Variants in TPRG1 observed in about 807,000 individuals in gnomAD.
TPRG1 encodes tumor protein p63-regulated gene 1 protein.
TPRG1 carries 29 observed loss-of-function variants against 29.3 expected under a neutral mutation model. The observed-to-expected ratio is 0.99, with a 90% confidence interval of 0.74 to 1.35. The LOEUF is 1.35. TPRG1 is among the 40% of genes most tolerant of loss of function. TPRG1 has a pLI of 0.00. For synonymous variants in TPRG1, 130 were observed against 116.8 expected (o/e 1.11, Z -0.73); for missense variants, 327 against 335.0 (o/e 0.98, Z 0.19).
At position 189,117,371 on chromosome 3, in the gene TPRG1, T is replaced by A. The variant is rs73053472; in HGVS notation, c.-743-9686T>A. ...ACCACCTGTTACTCAGTAGTTAAAA[T>A]TCTCATTGTAGGGAGTTTATTCCCT... is the stretch of plus-strand genomic sequence containing the variant. On this transcript the variant is annotated intron_variant, in intron 1 of 6. Coordinates refer to the TPRG1 transcript ENST00000412373. Among the ~76,000 whole-genome samples, 1,086 of 152,308 alleles carry A rather than the reference T, an allele frequency of 7.1e-3. 8 individuals carry two copies. The highest frequency in any genetic ancestry group is 0.025 in the African/African-American group (1,040 of 41,564).
intron 4 of TPRG1, among the ~76,000 whole-genome samples, chr3:189,255,923 AGTG>A (rs573243984): frequency 2.4e-3 from 363 of 151,966 alleles, no homozygotes; most frequent in Non-Finnish European, 4.1e-3. Context: ...TAGTCTGGCT[AGTG>A]GTCTATCTAT....
intron 4 of TPRG1, among the ~76,000 whole-genome samples, chr3:189,054,824 GATA>G (rs1266923917): frequency 6.6e-6 from 1 of 152,006 alleles, no homozygotes; most frequent in Non-Finnish European, 1.5e-5. Context: ...TAACAGATAG[GATA>G]ATAATGACAA....
In TPRG1 at chr3:189,239,048, A is replaced by T. The variant is rs1199565459; in HGVS notation, c.479+139A>T. The T allele has an allele frequency of 7.5e-6, 5 of 668,688 alleles. No individual in the cohort carries two copies. In the East Asian group the frequency reaches 1.4e-4, roughly 19 times the overall value. The allele number at this position is 668,688 out of a possible 1,614,324, so 41.4% of individuals were successfully genotyped here. A position where few individuals can be genotyped will look rare whatever the true frequency, so the allele number is the denominator to read the frequency against. ...TGAAATCATGAAAGTTGAAATCATT[A>T]AACTAGAGTTCCTACTCTATGTCAG... is the stretch of plus-strand genomic sequence containing the variant. On this transcript the variant is annotated intron_variant, in intron 4 of 5. Coordinates refer to ENST00000345063, the MANE Select transcript of TPRG1 (RefSeq NM_198485.4).
At chr3:189,046,495 G>A (rs1326988415) in intron 4 of TPRG1, among the ~76,000 whole-genome samples, 1 of 152,156 alleles carries the variant, frequency 6.6e-6, no homozygotes, top group African/African-American at 2.4e-5. Flanking sequence ...GAATAATTAT[G>A]CAGAGAATTC....
At chr3:189,129,372 C>T (rs915969197) in intron 2 of TPRG1, among the ~76,000 whole-genome samples, 11 of 152,182 alleles carry the variant, frequency 7.2e-5, no homozygotes, top group African/African-American at 2.7e-4. Context: ...ATGCGTCCTT[C>T]TCAGGCTGTG....
chr3:189,172,308 G>A (rs1412047768), intron 1 of TPRG1, among the ~76,000 whole-genome samples, 177 bp downstream of exon 1: 1 of 151,738 alleles, frequency 6.6e-6, no homozygotes, highest in Non-Finnish European at 1.5e-5. Flanking sequence ...TACTGTCCAG[G>A]GTTGATGAGG....
chr3:189,008,792 C>T (rs961962126), intron 3 of TPRG1, among the ~76,000 whole-genome samples: 4 of 152,084 alleles, frequency 2.6e-5, no homozygotes, highest in African/African-American at 7.2e-5. Flanking sequence ...AAACAGCCAT[C>T]GGGCTAGTCC....
chr3:189,151,227 C>CTTCGGGT (rs1725897254), intron 5 of TPRG1: 3 of 151,218 alleles, frequency 2.0e-5, no homozygotes, highest in Admixed American at 1.3e-4. Context: ...ACCAGTCGTC[C>CTTCGGGT]TTCAATAAGC....
chr3:188,998,007 T>TTCCC (rs1711886231), intron 1 of TPRG1, among the ~76,000 whole-genome samples: 1 of 152,102 alleles, frequency 6.6e-6, no homozygotes, highest in Non-Finnish European at 1.5e-5. Flanking sequence ...CATTCATTCA[T>TTCCC]TCCCTCCCTC....
intron 4 of TPRG1, among the ~76,000 whole-genome samples, chr3:189,309,232 A>C (rs1190142246): frequency 2.6e-5 from 4 of 152,114 alleles, no homozygotes; most frequent in African/African-American, 9.7e-5. Flanking sequence ...GGTATTAACC[A>C]GTTGGGGAGC....
At chr3:189,072,550 G>A (rs2152156374) in intron 4 of TPRG1, among the ~76,000 whole-genome samples, 1 of 152,174 alleles carries the variant, frequency 6.6e-6, no homozygotes, top group East Asian at 1.9e-4. Context: ...TACATCCAGA[G>A]GCACAATATG....
rs566183629 is a variant in TPRG1, at chr3:189,088,313, T to C, written c.-462-38744T>C. 5.3e-5 allele frequency among the ~76,000 whole-genome samples: 8 copies of C among 152,220 alleles called. 1 individual carries two copies. Among genetic ancestry groups the C allele is most frequent in the Non-Finnish European group, 1.2e-4 (8 of 68,044 alleles). Reference sequence around the variant, plus strand: ...GATTTGGCTCTCTGTTTGTCTGTTATTGGTGTATAAGAATGCTTGTGATTT... The same window carrying C: ...GATTTGGCTCTCTGTTTGTCTGTTACTGGTGTATAAGAATGCTTGTGATTT... On this transcript the variant is annotated intron_variant, in intron 4 of 10. Coordinates refer to the TPRG1 transcript ENST00000433971.
intron 3 of TPRG1, among the ~76,000 whole-genome samples, chr3:189,222,823 C>T (rs1316982955): frequency 2.0e-5 from 3 of 152,150 alleles, no homozygotes. Context: ...ATTGAACTGC[C>T]TGCTGTTTCC....
At chr3:189,118,916 G>A (rs1308206531) in intron 1 of TPRG1, among the ~76,000 whole-genome samples, 1 of 152,238 alleles carries the variant, frequency 6.6e-6, no homozygotes, top group Non-Finnish European at 1.5e-5. Flanking sequence ...CTAACACAGA[G>A]TCCTCACTGG....
At chr3:189,058,265 C>G (rs1370046183) in intron 4 of TPRG1, among the ~76,000 whole-genome samples, 2 of 152,104 alleles carry the variant, frequency 1.3e-5, no homozygotes, top group African/African-American at 4.8e-5. Flanking sequence ...CAACATTGCA[C>G]TCTGGGATCT....
intron 4 of TPRG1, among the ~76,000 whole-genome samples, chr3:189,250,320 C>A (rs1472491946): frequency 6.6e-6 from 1 of 152,090 alleles, no homozygotes; most frequent in African/African-American, 2.4e-5. Context: ...AAAGTACTGC[C>A]AGAGGAATCC....
intron 4 of TPRG1, among the ~76,000 whole-genome samples, chr3:189,269,556 G>T (rs910996374): frequency 4.6e-5 from 7 of 152,136 alleles, no homozygotes; most frequent in Admixed American, 1.3e-4. Context: ...GGAATGGCAT[G>T]TGTGCTGGGG....
chr3:189,216,063 A>C (rs1033142366), intron 3 of TPRG1, among the ~76,000 whole-genome samples: 38 of 152,196 alleles, frequency 2.5e-4, no homozygotes, highest in Non-Finnish European at 1.5e-5. Context: ...CCGCCAAGTA[A>C]ATATTAGTAA....
At chr3:189,306,740 A>G (rs1039898777) in intron 4 of TPRG1, among the ~76,000 whole-genome samples, 1 of 152,188 alleles carries the variant, frequency 6.6e-6, no homozygotes, top group Non-Finnish European at 1.5e-5. Context: ...AGTATGGTTC[A>G]TAGTAGACAC....
Sources: gnomAD v4.1 joint callset for allele counts (sites outside exome capture counted in the v4.1 genomes callset) on GRCh38, gnomAD v4.1.1 for gene constraint, MANE v1.5 for transcripts, NCBI Gene and HGNC (gene_info 2026-07-23, HGNC 2026-07-21) for gene names.